Variants in MIPOL1 observed in about 807,000 individuals in gnomAD.
The protein encoded by MIPOL1 is mirror-image polydactyly 1.
In MIPOL1, 57 loss-of-function variants were observed where a neutral mutation model predicts 60.9. The observed-to-expected ratio is 0.94, with a 90% CI of 0.76 to 1.17. The LOEUF (loss-of-function observed/expected upper bound fraction) is 1.17. Among genes scored for constraint, MIPOL1 ranks in the 50% most tolerant of loss-of-function variants. The probability of loss-of-function intolerance (pLI) is 0.00; values close to 1 mark genes in which losing one functional copy is unlikely to be tolerated. For missense variants in MIPOL1, 551 were observed against 511.6 expected, an observed-to-expected ratio of 1.08 and a Z score of -0.74; for synonymous variants, 179 against 168.8, an observed-to-expected ratio of 1.06 and a Z score of -0.47.
intron 12 of MIPOL1, among the ~76,000 whole-genome samples, chr14:37,521,051 C>G (rs1380978014): frequency 6.7e-6 from 1 of 149,814 alleles, no homozygotes; most frequent in African/African-American, 2.5e-5. Context: ...ATTCTCCTGC[C>G]TCAGCCTTCA....
At chr14:37,323,142 T>C (rs2153448394) in intron 9 of MIPOL1, among the ~76,000 whole-genome samples, 1 of 152,300 alleles carries the variant, frequency 6.6e-6, no homozygotes, top group African/African-American at 2.4e-5. Context: ...CATCTTGAGT[T>C]AATTTTTATA....
At chr14:37,499,080 T>C (rs1327913264) in intron 11 of MIPOL1, among the ~76,000 whole-genome samples, 1 of 152,156 alleles carries the variant, frequency 6.6e-6, no homozygotes, top group Non-Finnish European at 1.5e-5. Flanking sequence ...GAACATCTCC[T>C]GTGTGGAGTT....
At chr14:37,308,133 C>A in intron 8 of MIPOL1, 44 bp downstream of exon 8, 1 of 1,562,798 alleles carries the variant, frequency 6.4e-7, no homozygotes, top group Non-Finnish European at 8.8e-7. Flanking sequence ...AGTCTTATAT[C>A]TTAGAGGCTT....
chr14:37,414,109 A>G (rs1051791609), intron 10 of MIPOL1, among the ~76,000 whole-genome samples: 1 of 152,144 alleles, frequency 6.6e-6, no homozygotes, highest in African/African-American at 2.4e-5. Flanking sequence ...TTATTAACCT[A>G]TATAATTTTA....
chr14:37,211,917 C>T (rs926857075), intron 1 of MIPOL1, among the ~76,000 whole-genome samples: 3 of 151,940 alleles, frequency 2.0e-5, no homozygotes, highest in African/African-American at 7.3e-5. Context: ...GAGTTGTGAG[C>T]CCCACTCCAC....
intron 11 of MIPOL1, among the ~76,000 whole-genome samples, chr14:37,466,791 T>C (rs1255729673): frequency 6.6e-6 from 1 of 152,192 alleles, no homozygotes; most frequent in Non-Finnish European, 1.5e-5. Context: ...TAGCAACTGT[T>C]GTCATTGCTG....
chr14:37,533,370 G>A (rs1028092901), intron 12 of MIPOL1, among the ~76,000 whole-genome samples: 5 of 152,094 alleles, frequency 3.3e-5, no homozygotes, highest in Non-Finnish European at 5.9e-5. Context: ...AAGCCTATGA[G>A]AACAGTATAA....
intron 11 of MIPOL1, among the ~76,000 whole-genome samples, chr14:37,450,891 A>T (rs1303903291): frequency 6.6e-6 from 1 of 152,132 alleles, no homozygotes; most frequent in Non-Finnish European, 1.5e-5. Context: ...GTTTTTAAGT[A>T]GCATTTCATT....
intron 10 of MIPOL1, among the ~76,000 whole-genome samples, chr14:37,406,053 T>G (rs1028461592): frequency 1.3e-5 from 2 of 152,096 alleles, no homozygotes; most frequent in Non-Finnish European, 2.9e-5. Flanking sequence ...GATTTTCCTT[T>G]TAATACATTC....
Position 37,412,608 on chromosome 14 carries a change from C to T in MIPOL1, c.937-10247C>T, listed in dbSNP as rs180976519. 5.9e-5 allele frequency among the ~76,000 whole-genome samples: 9 copies of T among 152,028 alleles called. No individual in the cohort carries two copies. In the East Asian group the frequency reaches 1.7e-3, roughly 29 times the overall value. ...TTGATATAAGTTTCAATAACAGGCACAACTGATCTATGACAGTAGAAGTCA... is the reference window on the plus strand; with the variant it reads ...TTGATATAAGTTTCAATAACAGGCATAACTGATCTATGACAGTAGAAGTCA... On this transcript the variant is annotated intron_variant, in intron 10 of 12. Transcript: ENST00000684589.
intron 11 of MIPOL1, among the ~76,000 whole-genome samples, chr14:37,493,938 C>T (rs534915902): frequency 1.7e-4 from 26 of 152,240 alleles, no homozygotes; most frequent in Admixed American, 1.3e-3. Flanking sequence ...AATACTACTA[C>T]TACGCTGAAA....
intron 11 of MIPOL1, among the ~76,000 whole-genome samples, chr14:37,445,890 A>C (rs1043306001): frequency 2.0e-5 from 3 of 152,184 alleles, no homozygotes; most frequent in Admixed American, 1.3e-4. Flanking sequence ...CTGAAACTGG[A>C]TCCCTTCCTT....
chr14:37,404,838 A>G (rs2093557412), intron 10 of MIPOL1, among the ~76,000 whole-genome samples: 2 of 152,202 alleles, frequency 1.3e-5, no homozygotes, highest in Admixed American at 6.5e-5. Context: ...ACTAATAAGG[A>G]TAGTCAACAC....
At chr14:37,261,099 T>A (rs1263340124) in intron 3 of MIPOL1, among the ~76,000 whole-genome samples, 2 of 152,066 alleles carry the variant, frequency 1.3e-5, no homozygotes, top group African/African-American at 4.8e-5. Context: ...TGATACAAAC[T>A]TTATTAAACC....
chr14:37,387,531 G>T (rs528914335), intron 10 of MIPOL1, among the ~76,000 whole-genome samples: 59 of 152,002 alleles, frequency 3.9e-4, no homozygotes, highest in South Asian at 1.0e-3. Context: ...CATGAAACCT[G>T]ATACAGTATT....
At chr14:37,308,009 A>T (rs750132800) in intron 7 of MIPOL1, 47 bp from the exon 8 acceptor site, 12 of 1,543,566 alleles carry the variant, frequency 7.8e-6, no homozygotes, top group East Asian at 6.8e-5. Context: ...ATTTTGCTGC[A>T]CTAAGGAAAT....
At chr14:37,494,471 A>G (rs1215700982) in intron 11 of MIPOL1, among the ~76,000 whole-genome samples, 1 of 152,212 alleles carries the variant, frequency 6.6e-6, no homozygotes, top group Non-Finnish European at 1.5e-5. Context: ...AAGGCATTCC[A>G]AACAAATACC....
rs72671781 is a variant in MIPOL1 at position 37,375,924 on chromosome 14, C to T, written c.936+6300C>T. Among the ~76,000 whole-genome samples, 944 of 152,108 alleles carry T rather than the reference C, an allele frequency of 6.2e-3. 4 individuals are homozygous for T. Among genetic ancestry groups the T allele is most frequent in the Non-Finnish European group, 0.01 (693 of 67,984 alleles). On this transcript the variant is annotated intron_variant, in intron 10 of 12. Transcript: ENST00000684589. The stretch of plus-strand genomic sequence containing the variant: ...CTCCATTTTTTTTCCTCTTTGTTTG[C>T]TCTTCCTTACTTAGTCTTAATTGGT...
At chr14:37,239,947 T>A (rs1972089234) in intron 1 of MIPOL1, among the ~76,000 whole-genome samples, 1 of 152,202 alleles carries the variant, frequency 6.6e-6, no homozygotes, top group Non-Finnish European at 1.5e-5. Context: ...ATGAAGTACG[T>A]AGGTTGCATG....
Sources: gnomAD v4.1 joint callset for allele counts (sites outside exome capture counted in the v4.1 genomes callset) on GRCh38, gnomAD v4.1.1 for gene constraint, MANE v1.5 for transcripts, NCBI Gene and HGNC (gene_info 2026-07-23, HGNC 2026-07-21) for gene names.